The following APPL2 variants were observed in gnomAD, a reference collection of about 807,000 sequenced individuals.
APPL2 encodes the protein DCC-interacting protein 13-beta.
APPL2 carries 84 observed loss-of-function variants against 92.7 expected under a neutral mutation model. The ratio of observed to expected loss-of-function variants is 0.91; its 90% CI spans 0.76 to 1.09. The LOEUF is 1.09. APPL2 is among the 50% of genes least tolerant of loss of function. APPL2 has a pLI of 0.00. For synonymous variants in APPL2, 291 were observed against 291.0 expected (o/e 1.00, Z 0.00); for missense variants, 736 against 824.5 (o/e 0.89, Z 1.31).
At chr12:105,217,265 G>C in intron 3 of APPL2, 125 bp from the exon 4 acceptor site, 1 of 632,932 alleles carries the variant, frequency 1.6e-6, no homozygotes, top group Non-Finnish European at 2.7e-6. Flanking sequence ...CGTCCTATCA[G>C]AAGTGTCTAC....
At chr12:105,219,925 T>A (rs1448708451) in intron 2 of APPL2, among the ~76,000 whole-genome samples, 1 of 152,274 alleles carries the variant, frequency 6.6e-6, no homozygotes, top group Non-Finnish European at 1.5e-5. Context: ...AGAATCATTG[T>A]AACAGCAGCT....
At chr12:105,192,700 C>T (rs1460643337) in intron 14 of APPL2, among the ~76,000 whole-genome samples, 4 of 152,174 alleles carry the variant, frequency 2.6e-5, no homozygotes, top group Admixed American at 6.5e-5. Flanking sequence ...CATGACAGCA[C>T]CTCATCTCCT....
At chr12:105,186,605 A>AATATCGATATC (rs1566055789) in intron 17 of APPL2, among the ~76,000 whole-genome samples, 5 of 126,012 alleles carry the variant, frequency 4.0e-5, no homozygotes, top group African/African-American at 1.5e-4. Flanking sequence ...TTTTCCATTA[A>AATATCGATATC]ATATATATAT....
intron 10 of APPL2, 35 bp from the exon 11 acceptor site, chr12:105,197,988 A>C (rs1392574915): frequency 6.3e-7 from 1 of 1,596,536 alleles, no homozygotes; most frequent in Non-Finnish European, 8.5e-7. Context: ...CATTAGTACC[A>C]GAAAGCACCA....
chr12:105,203,599 TGTGCGACCCTCCACA>T, intron 9 of APPL2, 89 bp downstream of exon 9: 2 of 1,015,986 alleles, frequency 2.0e-6, no homozygotes, highest in South Asian at 2.8e-5. Context: ...ACAGAGGCTC[TGTGCGACCCTCCACA>T]GTTAGAACCC....
Position 105,174,444 on chromosome 12 carries a change from G to A in APPL2, c.1865C>T (p.Pro622Leu). The A allele has an allele frequency of 1.2e-6, 2 of 1,612,308 alleles. No homozygotes were observed. Among genetic ancestry groups the A allele is most frequent in the Non-Finnish European group, 1.7e-6 (2 of 1,179,264 alleles). ...CAGCATTAATTGAGCCAGTGCTTCT[G>A]GATCCTGAAGTTAGGAGAGTTTAAA... Reference protein sequence around the residue: ...GKEIIEVQKDPEALAQLMLSI... With the variant: ...GKEIIEVQKDLEALAQLMLSI... The change falls in exon 21 of 21, where the codon CCA (proline) becomes CTA (leucine). Residue 622 changes from proline to leucine, a missense_variant. By Grantham distance (98) the Pro-to-Leu change is moderately conservative. Coordinates refer to ENST00000258530, the MANE Select transcript of APPL2 (RefSeq NM_018171.5).
At chr12:105,192,841 T>C (rs1887332350) in intron 14 of APPL2, among the ~76,000 whole-genome samples, 1 of 152,142 alleles carries the variant, frequency 6.6e-6, no homozygotes, top group Admixed American at 6.5e-5. Context: ...ATTTGTTGAG[T>C]AGCTAGATAA....
intron 20 of APPL2, among the ~76,000 whole-genome samples, 177 bp downstream of exon 20, chr12:105,175,851 TGTTAACA>T (rs1171574171): frequency 6.6e-6 from 1 of 152,228 alleles, no homozygotes; most frequent in Non-Finnish European, 1.5e-5. Context: ...AGTCCTCATG[TGTTAACA>T]GTGAACATGG....
intron 17 of APPL2, among the ~76,000 whole-genome samples, chr12:105,184,370 T>A (rs1166340527): frequency 6.6e-6 from 1 of 152,228 alleles, no homozygotes; most frequent in Non-Finnish European, 1.5e-5. Flanking sequence ...AGCCTTTCTG[T>A]GCTGCTTTTT....
rs957035098 is a variant in APPL2, at chr12:105,233,066, C to T, written c.54+2893G>A. The T allele has an allele frequency of 4.1e-6, 4 of 983,752 alleles. No individual in the cohort carries two copies. In the Admixed American group the frequency reaches 2.5e-4, roughly 60 times the overall value. The allele number at this position is 983,752 out of a possible 1,614,324, so 60.9% of individuals were successfully genotyped here. ...CAAGCAACAGTGCTGTTGTCTTCAC[C>T]TTACCTCAAAAGTGTACTACTTACA... On this transcript the variant is annotated intron_variant, in intron 1 of 20. Coordinates refer to ENST00000258530, the MANE Select transcript of APPL2 (RefSeq NM_018171.5).
Position 105,199,367 on chromosome 12 carries a change from TCTCA to T in APPL2, c.863+2_863+5del. The T allele has an allele frequency of 6.2e-7, 1 of 1,606,522 alleles. No individual in the cohort carries two copies. The highest frequency in any genetic ancestry group is 1.1e-5 in the South Asian group (1 of 89,736). On this transcript the variant is annotated splice_donor_variant and splice_donor_5th_base_variant and intron_variant, in intron 10 of 20. Coordinates refer to ENST00000258530, the MANE Select transcript of APPL2 (RefSeq NM_018171.5). LOFTEE classifies it high-confidence loss of function. Reference sequence around the variant, plus strand: ...CAGAAAAAGAGGCAGACGGTGGCGTTCTCACTTTCTAAGATTAAGGTAACCAGCC... The same window carrying T: ...CAGAAAAAGAGGCAGACGGTGGCGTTCTTTCTAAGATTAAGGTAACCAGCC...
In APPL2 at chr12:105,190,149, G is replaced by C; in HGVS notation, c.1248C>G (p.Asn416Lys). The part of the protein sequence containing the change: ...KKQESSCPSQ[N>K]LKNSEMENEN... ...CATTTTCCATCTCTGAATTTTTCAG[G>C]TTCTGGCTGAAGGGGAAAAAAATCA... Residue 416 changes from asparagine to lysine, a missense_variant, in exon 15 of 21, where the codon AAC becomes AAG. Physicochemically the swap from Asn to Lys is moderately conservative, Grantham distance 94. Coordinates refer to ENST00000258530, the MANE Select transcript of APPL2 (RefSeq NM_018171.5). The C allele has an allele frequency of 7.4e-6, 12 of 1,613,436 alleles. No individual in the cohort carries two copies. The highest frequency in any genetic ancestry group is 1.0e-5 in the Non-Finnish European group (12 of 1,179,838).
Position 105,211,249 on chromosome 12 carries a change from G to T in APPL2, c.354C>A (p.Phe118Leu), listed in dbSNP as rs1383379757. Residue 118 changes from phenylalanine to leucine, a missense_variant, in exon 5 of 21, where the codon TTC (phenylalanine) becomes TTA (leucine). Physicochemically the swap from Phe to Leu is conservative, Grantham distance 22. Coordinates refer to ENST00000258530, the MANE Select transcript of APPL2 (RefSeq NM_018171.5). ...ADTMVLPIIQ[F>L]REKDLTEVST... is the part of the protein sequence containing the mutation. Reference sequence around the variant, plus strand: ...CTTTACCTGTGAGATCCTTTTCTCGGAATTGTATGATAGGTAGAACCATTG... The same window carrying T: ...CTTTACCTGTGAGATCCTTTTCTCGTAATTGTATGATAGGTAGAACCATTG... 6.2e-7 allele frequency: 1 copy of T among 1,613,482 alleles called. No homozygotes were observed.
At chr12:105,206,672 G>C (rs905885534) in intron 8 of APPL2, among the ~76,000 whole-genome samples, 5 of 152,184 alleles carry the variant, frequency 3.3e-5, no homozygotes, top group African/African-American at 1.2e-4. Flanking sequence ...CAGAGCGGGG[G>C]CCTTACTACA....
chr12:105,228,851 T>C (rs564098346), intron 2 of APPL2, among the ~76,000 whole-genome samples: 1 of 152,218 alleles, frequency 6.6e-6, no homozygotes, highest in Non-Finnish European at 1.5e-5. Context: ...GAGACTCAAA[T>C]GTTTCCCACT....
At chr12:105,212,043 C>G (rs571893220) in intron 4 of APPL2, among the ~76,000 whole-genome samples, 1 of 132,862 alleles carries the variant, frequency 7.5e-6, no homozygotes, top group East Asian at 2.5e-4. Context: ...GGTGTGAACC[C>G]GGGAGGTGGA....
chr12:105,228,750 CCACA>C (rs1890707785), intron 2 of APPL2, among the ~76,000 whole-genome samples: 1 of 152,128 alleles, frequency 6.6e-6, no homozygotes, highest in African/African-American at 2.4e-5. Flanking sequence ...CTCTGCCCTC[CCACA>C]CTGACATCTA....
intron 17 of APPL2, among the ~76,000 whole-genome samples, chr12:105,183,092 T>C (rs1368256890): frequency 1.5e-3 from 104 of 70,522 alleles, no homozygotes; most frequent in African/African-American, 4.7e-3. Flanking sequence ...TTTTTTTTTT[T>C]GCTTTCCATT....
At chr12:105,186,846 G>C (rs1886780768) in intron 17 of APPL2, among the ~76,000 whole-genome samples, 3 of 151,528 alleles carry the variant, frequency 2.0e-5, no homozygotes, top group Admixed American at 2.0e-4. Flanking sequence ...GTAACACATA[G>C]CATCTTTTCA....
Sources: gnomAD v4.1 joint callset for allele counts (sites outside exome capture counted in the v4.1 genomes callset) on GRCh38, gnomAD v4.1.1 for gene constraint, MANE v1.5 for transcripts, NCBI Gene and HGNC (gene_info 2026-07-23, HGNC 2026-07-21) for gene names.